ERCC6L2: variants seen among roughly 807,000 people sequenced by gnomAD.
ERCC6L2 encodes ERCC excision repair 6 like 2.
A neutral mutation model predicts 132.0 loss-of-function variants in ERCC6L2; 77 were observed. The observed-to-expected ratio is 0.58, with a 90% CI of 0.49 to 0.71. The LOEUF is 0.71. Ranked by LOEUF, ERCC6L2 falls within the 30% of genes least tolerant of loss-of-function variation. The pLI, the probability that ERCC6L2 is intolerant of heterozygous loss-of-function variation, is 0.00. For missense variants in ERCC6L2, 1,542 were observed against 1,837.6 expected, an observed-to-expected ratio of 0.84 and a Z score of 2.94; for synonymous variants, 583 against 632.4, an observed-to-expected ratio of 0.92 and a Z score of 1.17.
rs547350290 is a variant in ERCC6L2 at position 95,972,305 on chromosome 9, G to A, written c.2554G>A (p.Asp852Asn). The A allele has an allele frequency of 9.3e-6, 12 of 1,296,108 alleles. No homozygotes were observed. In the African/African-American group the frequency reaches 1.7e-4, roughly 18 times the overall value. 80.3% of individuals were successfully genotyped at this position (1,296,108 alleles called of 1,614,324 possible). Residue 852 changes from aspartate (D) to asparagine (N), a missense_variant, in exon 16 of 19, where the codon GAT becomes AAT. By Grantham distance (23) the Asp-to-Asn change is conservative. Coordinates refer to ENST00000653738, the MANE Select transcript of ERCC6L2 (RefSeq NM_020207.7). ...TGGTACTTCAAAACATCAGAAATTAGATAACATCCTAAATCCAAAAGAAAA... is the reference window on the plus strand; with the variant it reads ...TGGTACTTCAAAACATCAGAAATTAAATAACATCCTAAATCCAAAAGAAAA... ...SLGTSKHQKLDNILNPKEKHI... is the reference protein window; with the variant it reads ...SLGTSKHQKLNNILNPKEKHI...
chr9:95,974,796 A>G (rs1832592458), intron 16 of ERCC6L2, among the ~76,000 whole-genome samples: 1 of 151,994 alleles, frequency 6.6e-6, no homozygotes, highest in African/African-American at 2.4e-5. Context: ...TATTTGTGAT[A>G]TATATTTTAT....
intron 2 of ERCC6L2, among the ~76,000 whole-genome samples, chr9:95,890,984 G>A (rs550489209): frequency 6.6e-6 from 1 of 152,286 alleles, no homozygotes; most frequent in African/African-American, 2.4e-5. Flanking sequence ...AGGCTAAGGT[G>A]GGCAGATCAC....
At chr9:95,907,838 C>CACACACACACACACACACACACACACAA (rs1341366957) in intron 4 of ERCC6L2, among the ~76,000 whole-genome samples, 11 of 117,646 alleles carry the variant, frequency 9.4e-5, no homozygotes, top group Non-Finnish European at 1.3e-4. Flanking sequence ...CACACACACA[C>CACACACACACACACACACACACACACAA]ACACACACAC....
At chr9:95,969,105 C>A (rs1016354180) in intron 14 of ERCC6L2, among the ~76,000 whole-genome samples, 1 of 152,036 alleles carries the variant, frequency 6.6e-6, no homozygotes, top group Non-Finnish European at 1.5e-5. Context: ...GAGGAACATG[C>A]CCCGTGTGAT....
chr9:95,906,210 G>A (rs993051815), intron 3 of ERCC6L2, among the ~76,000 whole-genome samples: 1 of 152,186 alleles, frequency 6.6e-6, no homozygotes, highest in African/African-American at 2.4e-5. Flanking sequence ...CTTTGCTATA[G>A]GGAGAGTAGA....
intron 19 of ERCC6L2, chr9:96,026,059 C>T (rs1202771402): frequency 1.3e-5 from 2 of 152,648 alleles, no homozygotes; most frequent in Non-Finnish European, 2.9e-5. Flanking sequence ...GAGAAGGGGC[C>T]CTGGGGAGTG....
At position 95,966,591 on chromosome 9, in the gene ERCC6L2, A is replaced by T. The variant is rs1400720458; in HGVS notation, c.1977A>T (p.Glu659Asp). The change falls in exon 14 of 19, where the codon GAA becomes GAT. Residue 659 changes from glutamate (E) to aspartate (D), a missense_variant. Glu to Asp is a conservative substitution (Grantham distance 45, BLOSUM62 2). This residue lies in a region of ERCC6L2 where 945 missense variants were observed against 1,105.2 expected (regional missense o/e 0.86). Coordinates refer to ENST00000653738, the MANE Select transcript of ERCC6L2 (RefSeq NM_020207.7). ...QQLHCVVVGS[E>D]NAKRYFEAVQ... ...TTCACTGTGTGGTGGTTGGAAGTGA[A>T]AATGCCAAACGATATTTTGAAGCAG... The T allele has an allele frequency of 6.5e-7, 1 of 1,527,050 alleles. No homozygotes were observed. The highest frequency in any genetic ancestry group is 8.9e-7 in the Non-Finnish European group (1 of 1,119,972). The allele number at this position is 1,527,050 out of a possible 1,614,324, so 94.6% of individuals were successfully genotyped here.
At chr9:96,024,000 C>T (rs1294602135) in intron 19 of ERCC6L2, among the ~76,000 whole-genome samples, 1 of 152,194 alleles carries the variant, frequency 6.6e-6, no homozygotes, top group Non-Finnish European at 1.5e-5. Flanking sequence ...TGAGAAGTGT[C>T]AGTATCAGCA....
intron 9 of ERCC6L2, among the ~76,000 whole-genome samples, chr9:95,925,574 T>C (rs540458162): frequency 7.2e-5 from 11 of 152,344 alleles, no homozygotes; most frequent in African/African-American, 1.7e-4. Context: ...ATTTTGGAAA[T>C]TTCTGGGATC....
intron 2 of ERCC6L2, among the ~76,000 whole-genome samples, chr9:95,894,584 CTTTTTTTTTTTTTT>C (rs1218474585): frequency 6.0e-5 from 5 of 83,484 alleles, no homozygotes; most frequent in African/African-American, 3.0e-4. Context: ...ATATGTCAGC[CTTTTTTTTTTTTTT>C]TTTTTTTTTT....
Position 96,012,446 on chromosome 9 carries a change from A to T in ERCC6L2, c.3896A>T (p.Lys1299Ile). 3 of 1,366,324 alleles carry T rather than the reference A, an allele frequency of 2.2e-6. No individual in the cohort carries two copies. The highest frequency in any genetic ancestry group is 2.9e-6 in the Non-Finnish European group (3 of 1,021,206). The allele number at this position is 1,366,324 out of a possible 1,614,324, so 84.6% of individuals were successfully genotyped here. The change falls in exon 19 of 19, where the codon AAA becomes ATA. Residue 1299 changes from lysine to isoleucine, a missense_variant. By Grantham distance (102) the Lys-to-Ile change is moderately radical. This residue lies in a region of ERCC6L2 where 442 missense variants were observed against 583.4 expected (regional missense o/e 0.76). Coordinates refer to ENST00000653738, the MANE Select transcript of ERCC6L2 (RefSeq NM_020207.7). ...CAGCGCACCCGGAAGAAATCTGATA[A>T]AAGAGAATCTCTTATAAAACCAAGG... ...GEQRTRKKSD[K>I]RESLIKPRLS...
At chr9:96,000,853 G>A (rs1409816876) in intron 17 of ERCC6L2, among the ~76,000 whole-genome samples, 1 of 152,194 alleles carries the variant, frequency 6.6e-6, no homozygotes, top group African/African-American at 2.4e-5. Flanking sequence ...TTACGTGATA[G>A]TGTGTCCGGA....
At chr9:96,032,986 C>T (rs1002020523) in intron 19 of ERCC6L2, among the ~76,000 whole-genome samples, 2 of 152,154 alleles carry the variant, frequency 1.3e-5, no homozygotes, top group Non-Finnish European at 2.9e-5. Context: ...GCTCGTGTGT[C>T]GGTGATTTAG....
chr9:95,923,125 T>G, intron 8 of ERCC6L2, 135 bp from the exon 9 acceptor site: 1 of 991,616 alleles, frequency 1.0e-6, no homozygotes, highest in Non-Finnish European at 1.4e-6. Context: ...GAATTCTTAG[T>G]CTGACTTAGG....
chr9:95,972,721 CA>C lies in ERCC6L2; in HGVS notation c.2972del (p.Lys991SerfsTer4), dbSNP rs1224343140. ...AATCTGATGACATTGAAATTTCTTC[CA>C]AGTCAAGAGTAAGAAAGAGAGCTAG... ...DESDDIEISS[K>X]SRVRKRASSL... On this transcript the variant is annotated frameshift_variant, in exon 16 of 19. Transcript: ENST00000653738. LOFTEE classifies it high-confidence loss of function. 1 of 1,302,286 alleles carries C rather than the reference CA, an allele frequency of 7.7e-7. No homozygotes were observed. Among genetic ancestry groups the C allele is most frequent in the Non-Finnish European group, 1.0e-6 (1 of 988,798 alleles). The allele number at this position is 1,302,286 out of a possible 1,614,324, so 80.7% of individuals were successfully genotyped here. A position where few individuals can be genotyped will look rare whatever the true frequency, so the allele number is the denominator to read the frequency against.
rs574657480 is a variant in ERCC6L2, at chr9:95,876,877, C to T, written c.46+793C>T. 2.0e-5 allele frequency: 3 copies of T among 152,326 alleles called. No individual in the cohort carries two copies. In the South Asian group the frequency reaches 6.2e-4, roughly 32 times the overall value. 9.4% of individuals were successfully genotyped at this position (152,326 alleles called of 1,614,324 possible). On this transcript the variant is annotated intron_variant, in intron 1 of 18. Coordinates refer to ENST00000653738, the MANE Select transcript of ERCC6L2 (RefSeq NM_020207.7). ...ATGACGCTGTAATTCAGGGACCAAA[C>T]ATATAAATACCTATAGGAGACTGGC...
chr9:95,999,274 T>A (rs925546891), intron 17 of ERCC6L2, among the ~76,000 whole-genome samples: 1 of 151,760 alleles, frequency 6.6e-6, no homozygotes. Context: ...GGCAGGAGAA[T>A]GGCGTGAACC....
At chr9:95,974,786 T>A (rs1280832394) in intron 16 of ERCC6L2, among the ~76,000 whole-genome samples, 2 of 152,080 alleles carry the variant, frequency 1.3e-5, no homozygotes, top group African/African-American at 4.8e-5. Flanking sequence ...TGTATACGTA[T>A]ATTTGTGATA....
At chr9:95,918,077 T>A (rs1435313475) in intron 6 of ERCC6L2, 1 of 229,760 alleles carries the variant, frequency 4.4e-6, no homozygotes, top group Non-Finnish European at 8.7e-6. Context: ...AGGCTGGATG[T>A]GTGCTGCCAT....
Sources: gnomAD v4.1 joint callset for allele counts (sites outside exome capture counted in the v4.1 genomes callset) on GRCh38, gnomAD v4.1.1 for gene constraint, gnomAD v4.1.1 regional missense constraint, MANE v1.5 for transcripts, NCBI Gene and HGNC (gene_info 2026-07-23, HGNC 2026-07-21) for gene names.